PHF12: variants seen among roughly 807,000 people sequenced by gnomAD.
The protein encoded by PHF12 is PHD factor 1.
In PHF12, 6 loss-of-function variants were observed where a neutral mutation model predicts 99.8. That is an observed-to-expected ratio of 0.06 (90% CI 0.03 to 0.12). The LOEUF (loss-of-function observed/expected upper bound fraction) is 0.12. PHF12 is among the 10% of genes least tolerant of loss of function. The pLI, the probability that PHF12 is intolerant of heterozygous loss-of-function variation, is 1.00. For missense variants in PHF12, 954 were observed against 1,300.1 expected (o/e 0.73, Z 4.09); for synonymous variants, 480 against 514.9 (o/e 0.93, Z 0.92).
intron 3 of PHF12, chr17:28,926,407 T>C (rs1421478307): frequency 4.4e-6 from 1 of 227,652 alleles, no homozygotes; most frequent in Non-Finnish European, 9.0e-6. Context: ...ATAATTTGGG[T>C]GCAAGCACAC....
chr17:28,938,876 T>G lies in PHF12; in HGVS notation c.248+11189A>C, dbSNP rs9890540. ...GACCTATTTATGAGTTGAACATACT[T>G]CTCCAGAGCCATGATTTTCCCCTTT... On this transcript the variant is annotated intron_variant, in intron 2 of 14. Coordinates refer to ENST00000332830, the MANE Select transcript of PHF12 (RefSeq NM_001033561.2). Among the ~76,000 whole-genome samples, 697 of 152,204 alleles carry G rather than the reference T, an allele frequency of 4.6e-3. 11 individuals carry two copies. The highest frequency in any genetic ancestry group is 0.016 in the African/African-American group (663 of 41,518).
Position 28,906,121 on chromosome 17 carries a change from C to T in PHF12, c.*62G>A. 1 of 1,495,916 alleles carries T rather than the reference C, an allele frequency of 6.7e-7. No individual in the cohort carries two copies. The highest frequency in any genetic ancestry group is 9.0e-7 in the Non-Finnish European group (1 of 1,113,724). 92.7% of individuals were successfully genotyped at this position (1,495,916 alleles called of 1,614,324 possible). ...AAAACACCCGGGCTTGGTTTGTGTA[C>T]ATTTTTGCATTGCAGGAGTCTTGGG... On this transcript the variant is annotated 3_prime_UTR_variant, in exon 15 of 15. Transcript: ENST00000332830. The surrounding 1 kb of genome is among the most constrained non-coding windows in gnomAD (Gnocchi z 4.2).
In PHF12 at chr17:28,907,813, C is replaced by T. The variant is rs187968931; in HGVS notation, c.2459-141G>A. 4.6e-4 allele frequency: 284 copies of T among 621,042 alleles called. 2 individuals carry two copies. The East Asian group carries it at 8.2e-3, about 18-fold the overall frequency. The allele number at this position is 621,042 out of a possible 1,614,324, so 38.5% of individuals were successfully genotyped here. ...TCAAGGGTGAGTAGCTCAGGGCCCT[C>T]CCCTTTTATTTTTGAACAAAAACTG... On this transcript the variant is annotated intron_variant, in intron 12 of 14. Coordinates refer to ENST00000332830, the MANE Select transcript of PHF12 (RefSeq NM_001033561.2).
chr17:28,912,387 G>A, intron 9 of PHF12, 95 bp downstream of exon 9: 4 of 1,474,344 alleles, frequency 2.7e-6, no homozygotes, highest in Non-Finnish European at 3.6e-6. Context: ...AAAGTCCTCT[G>A]AAGTATTCAC....
rs1008530500 is a variant in PHF12 at position 28,949,840 on chromosome 17, C to T, written c.248+225G>A. 2 of 527,284 alleles carry T rather than the reference C, an allele frequency of 3.8e-6. No individual in the cohort carries two copies. Among genetic ancestry groups the T allele is most frequent in the Admixed American group, 3.5e-5 (1 of 28,830 alleles). 32.7% of individuals were successfully genotyped at this position (527,284 alleles called of 1,614,324 possible). A position where few individuals can be genotyped will look rare whatever the true frequency, so the allele number is the denominator to read the frequency against. On this transcript the variant is annotated intron_variant, in intron 2 of 14. Transcript: ENST00000332830. This position sits in a 1 kb window ranked among gnomAD's most constrained non-coding sequence, Gnocchi z 4.6. The stretch of plus-strand genomic sequence containing the variant: ...AATCCCATATGGGGTTCTCTTCACT[C>T]GTCCCAACCCCCACCTCGGGGTCCG...
chr17:28,909,832 C>T (rs767762090), intron 11 of PHF12: 67 of 549,666 alleles, frequency 1.2e-4, no homozygotes, highest in Non-Finnish European at 1.9e-4. Context: ...CTCAAGTGAT[C>T]CTCCCGCCTC....
In PHF12 at chr17:28,906,635, A is replaced by C; in HGVS notation, c.2681-118T>G. 7.8e-7 allele frequency: 1 copy of C among 1,281,202 alleles called. No homozygotes were observed. Among genetic ancestry groups the C allele is most frequent in the Non-Finnish European group, 1.1e-6 (1 of 935,256 alleles). The allele number at this position is 1,281,202 out of a possible 1,614,324, so 79.4% of individuals were successfully genotyped here. ...TCCAACTGCTGCATGACTAGGGAGG[A>C]AGGATGCTCAGAAAGGGTTGGTGGA... On this transcript the variant is annotated intron_variant, in intron 14 of 14. Coordinates refer to ENST00000332830, the MANE Select transcript of PHF12 (RefSeq NM_001033561.2). The surrounding 1 kb of genome is among the most constrained non-coding windows in gnomAD (Gnocchi z 4.2).
chr17:28,931,278 C>T lies in PHF12; in HGVS notation c.249-4215G>A, dbSNP rs1412702591. 4.4e-5 allele frequency among the ~76,000 whole-genome samples: 6 copies of T among 136,986 alleles called. No homozygotes were observed. The South Asian group carries it at 9.4e-4, about 21-fold the overall frequency. The allele number at this position is 136,986 out of a possible 152,430, so 89.9% of individuals were successfully genotyped here. A position where few individuals can be genotyped will look rare whatever the true frequency, so the allele number is the denominator to read the frequency against. ...TTCCTTTTTTTTTTTTTTTTTGAGA[C>T]GGAGTCTTGCTCAGTTGCCCAGGCT... On this transcript the variant is annotated intron_variant, in intron 2 of 14. Coordinates refer to ENST00000332830, the MANE Select transcript of PHF12 (RefSeq NM_001033561.2).
Position 28,906,573 on chromosome 17 carries a change from G to A in PHF12, c.2681-56C>T. 1.3e-6 allele frequency: 2 copies of A among 1,524,354 alleles called. No homozygotes were observed. Among genetic ancestry groups the A allele is most frequent in the Non-Finnish European group, 1.8e-6 (2 of 1,128,500 alleles). 94.4% of individuals were successfully genotyped at this position (1,524,354 alleles called of 1,614,324 possible). On this transcript the variant is annotated intron_variant, in intron 14 of 14. Coordinates refer to ENST00000332830, the MANE Select transcript of PHF12 (RefSeq NM_001033561.2). The surrounding 1 kb of genome is among the most constrained non-coding windows in gnomAD (Gnocchi z 4.2). Reference sequence around the variant, plus strand: ...GAACAGTGAGCAGCCAACCCATGTGGGCTGTTTGCCAAGGTTGGGCTCCTG... The same window carrying A: ...GAACAGTGAGCAGCCAACCCATGTGAGCTGTTTGCCAAGGTTGGGCTCCTG...
At position 28,951,508 on chromosome 17, in the gene PHF12, C is replaced by T. The variant is rs1032789353; in HGVS notation, c.-548G>A. 1.0e-6 allele frequency: 1 copy of T among 985,150 alleles called. No individual in the cohort carries two copies. Among genetic ancestry groups the T allele is most frequent in the Non-Finnish European group, 1.2e-6 (1 of 829,870 alleles). 61.0% of individuals were successfully genotyped at this position (985,150 alleles called of 1,614,324 possible). ...GCCACCCGCGCAGGCGCCCCGGGAT[C>T]GGCGCTCGCCGCGCGCAACCGCAGT... is the stretch of plus-strand genomic sequence containing the variant. On this transcript the variant is annotated 5_prime_UTR_variant, in exon 1 of 15. Coordinates refer to ENST00000332830, the MANE Select transcript of PHF12 (RefSeq NM_001033561.2).
chr17:28,949,647 C>A lies in PHF12; in HGVS notation c.248+418G>T. The A allele has an allele frequency of 6.1e-6, 1 of 164,596 alleles. No individual in the cohort carries two copies. The highest frequency in any genetic ancestry group is 1.3e-5 in the Non-Finnish European group (1 of 76,332). 10.2% of individuals were successfully genotyped at this position (164,596 alleles called of 1,614,324 possible). A position where few individuals can be genotyped will look rare whatever the true frequency, so the allele number is the denominator to read the frequency against. On this transcript the variant is annotated intron_variant, in intron 2 of 14. Transcript: ENST00000332830. The surrounding 1 kb of genome is among the most constrained non-coding windows in gnomAD (Gnocchi z 4.6). The stretch of plus-strand genomic sequence containing the variant: ...GTCTGGACCAGGGCAACTCAGGTGG[C>A]CGAGGGCTCCACGCACCCACCCCGA...
chr17:28,907,131 C>A (rs552186097), intron 13 of PHF12, 137 bp from the exon 14 acceptor site: 1 of 1,049,292 alleles, frequency 9.5e-7, no homozygotes, highest in South Asian at 1.7e-5. Context: ...TGGCCCCTGT[C>A]CTTTCAGAAG....
At chr17:28,910,485 T>C (rs2039939385) in intron 10 of PHF12, 116 bp from the exon 11 acceptor site, 1 of 1,256,498 alleles carries the variant, frequency 8.0e-7, no homozygotes, top group Non-Finnish European at 1.1e-6. Context: ...AAGTGATTTT[T>C]ACTCAAACAG....
chr17:28,910,018 G>A (rs1373989311), intron 11 of PHF12: 1 of 744,700 alleles, frequency 1.3e-6, no homozygotes, highest in Non-Finnish European at 2.3e-6. Flanking sequence ...AGTTACAGCA[G>A]ACTTCCCCAA....
In PHF12 at chr17:28,912,656, T is replaced by C. The variant is rs775290778; in HGVS notation, c.1915A>G (p.Ser639Gly). The C allele has an allele frequency of 1.4e-5, 22 of 1,614,098 alleles. No individual in the cohort carries two copies. The South Asian group carries it at 2.3e-4, about 17-fold the overall frequency. ...PSSCASIENTSTLQRKTVQSQ... is the reference protein window; with the variant it reads ...PSSCASIENTGTLQRKTVQSQ... ...TGGACAGTCTTTCTTTGCAAAGTGCTGGTGTTCTCGATGCTGGCACAAGAG... is the reference window on the plus strand; with the variant it reads ...TGGACAGTCTTTCTTTGCAAAGTGCCGGTGTTCTCGATGCTGGCACAAGAG... The change falls in exon 9 of 15, where the codon AGC (serine) becomes GGC (glycine). Residue 639 changes from serine (S) to glycine (G), a missense_variant. Transcript: ENST00000332830.
intron 2 of PHF12, among the ~76,000 whole-genome samples, chr17:28,929,482 T>G (rs1316065952): frequency 2.6e-5 from 4 of 152,160 alleles, no homozygotes; most frequent in Non-Finnish European, 5.9e-5. Context: ...TGACCTCAGG[T>G]GATCCACCAA....
Position 28,906,515 on chromosome 17 carries a change from G to A in PHF12, c.2683C>T (p.Arg895Cys). The A allele has an allele frequency of 1.3e-6, 2 of 1,593,354 alleles. No individual in the cohort carries two copies. Among genetic ancestry groups the A allele is most frequent in the Non-Finnish European group, 1.7e-6 (2 of 1,166,512 alleles). ...TCGTCCTGTTTCTGGTGCCGGCGGC[G>A]CCCTGGGAAAAAGGGGGATGGTCAC... ...IVAKVQSVIRRRRHQKQDEEP... is the reference protein window; with the variant it reads ...IVAKVQSVIRCRRHQKQDEEP... The change falls in exon 15 of 15, where the codon CGC (arginine) becomes TGC (cysteine). Residue 895 changes from arginine to cysteine, a missense_variant and splice_region_variant. By Grantham distance (180) the Arg-to-Cys change is radical. Transcript: ENST00000332830. The surrounding 1 kb of genome is among the most constrained non-coding windows in gnomAD (Gnocchi z 4.2).
intron 3 of PHF12, chr17:28,926,172 C>T (rs1412908249): frequency 6.5e-6 from 1 of 152,762 alleles, no homozygotes; most frequent in East Asian, 1.9e-4. Context: ...AAGGCTGAAA[C>T]TGTTACACAC....
chr17:28,931,651 G>T (rs1044420625), intron 2 of PHF12, among the ~76,000 whole-genome samples: 1 of 150,856 alleles, frequency 6.6e-6, no homozygotes, highest in East Asian at 1.9e-4. Flanking sequence ...GCGTGATCTC[G>T]GCTCACTGCA....
Sources: gnomAD v4.1 joint callset for allele counts (sites outside exome capture counted in the v4.1 genomes callset) on GRCh38, gnomAD v4.1.1 for gene constraint, Gnocchi (gnomAD v3.1) non-coding constraint, MANE v1.5 for transcripts, NCBI Gene and HGNC (gene_info 2026-07-23, HGNC 2026-07-21) for gene names.